CHIC1: variants seen among roughly 807,000 people sequenced by gnomAD.
CHIC1 encodes the protein cysteine-rich hydrophobic domain-containing protein 1.
In CHIC1, 7 loss-of-function variants were observed where a neutral mutation model predicts 18.5. The observed-to-expected ratio is 0.38, with a 90% CI of 0.22 to 0.71. The LOEUF (loss-of-function observed/expected upper bound fraction) is 0.71, where lower values mean the gene tolerates loss of function less well. Among genes scored for constraint, CHIC1 ranks in the 30% least tolerant of loss-of-function variants. The probability of loss-of-function intolerance (pLI) is 0.49; values close to 1 mark genes in which losing one functional copy is unlikely to be tolerated. For missense variants in CHIC1, 159 were observed against 176.9 expected (o/e 0.90, Z 0.57); for synonymous variants, 77 against 73.5 (o/e 1.05, Z -0.25).
chrX:73,614,542 GCTTTGTTCATTTTTTTCTTACT>G (rs1267052835), intron 3 of CHIC1, among the ~76,000 whole-genome samples: 12 of 110,580 alleles, frequency 1.1e-4, no homozygotes, highest in African/African-American at 3.9e-4. Context: ...TGTCATGTGG[GCTTTGTTCATTTTTTTCTTACT>G]CTTTTTTTCT....
At chrX:73,655,668 TATAC>T (rs2057945613) in intron 3 of CHIC1, among the ~76,000 whole-genome samples, 2 of 87,809 alleles carry the variant, frequency 2.3e-5, no homozygotes, top group Admixed American at 1.3e-4. Context: ...TATATATATA[TATAC>T]ACACACCACA....
intron 3 of CHIC1, among the ~76,000 whole-genome samples, chrX:73,675,430 A>G (rs1056899941): frequency 1.8e-5 from 2 of 112,027 alleles, no homozygotes; most frequent in Middle Eastern, 4.6e-3. Context: ...TTGGATGCAT[A>G]TATATTTAGG....
chrX:73,619,961 G>C (rs1045277615), intron 3 of CHIC1, among the ~76,000 whole-genome samples: 1 of 111,207 alleles, frequency 9.0e-6, no homozygotes, highest in South Asian at 3.8e-4. Context: ...TGCGGTGTTT[G>C]GCTTTCTGTT....
chrX:73,673,355 C>T lies in CHIC1; in HGVS notation c.508-5971C>T, dbSNP rs901111508. Among the ~76,000 whole-genome samples the T allele has an allele frequency of 7.2e-5, 8 of 111,855 alleles. No homozygotes were observed. The East Asian group carries it at 1.1e-3, about 16-fold the overall frequency. ...ACCTTGGGCAGTATGGCCATTTTCACGATACTGATTCTTCCTACCCATGAG... is the reference window on the plus strand; with the variant it reads ...ACCTTGGGCAGTATGGCCATTTTCATGATACTGATTCTTCCTACCCATGAG... On this transcript the variant is annotated intron_variant, in intron 3 of 5. Transcript: ENST00000373502.
At chrX:73,568,845 A>G (rs1202620300) in intron 1 of CHIC1, among the ~76,000 whole-genome samples, 1 of 111,624 alleles carries the variant, frequency 9.0e-6, no homozygotes, top group African/African-American at 3.2e-5. Context: ...TTCTCCAAAA[A>G]CTTAGCACTA....
At chrX:73,578,188 T>C (rs1054455812) in intron 2 of CHIC1, among the ~76,000 whole-genome samples, 3 of 110,569 alleles carry the variant, frequency 2.7e-5, no homozygotes, top group African/African-American at 3.3e-5. Context: ...TATATGTACA[T>C]CAAAACATCA....
chrX:73,680,579 G>A (rs1321743552), intron 5 of CHIC1, among the ~76,000 whole-genome samples: 4 of 110,753 alleles, frequency 3.6e-5, no homozygotes, highest in African/African-American at 6.5e-5. Context: ...TAATATAAAG[G>A]CATTTTTTAA....
intron 3 of CHIC1, among the ~76,000 whole-genome samples, chrX:73,608,529 AGAGCAGACT>A (rs1272199936): frequency 9.2e-6 from 1 of 108,521 alleles, no homozygotes; most frequent in Non-Finnish European, 1.9e-5. Context: ...CCAATCCATA[AGAGCAGACT>A]GTCTTAAATA....
chrX:73,591,270 CT>C (rs1207790931), intron 3 of CHIC1, among the ~76,000 whole-genome samples: 2 of 110,483 alleles, frequency 1.8e-5, no homozygotes, highest in Admixed American at 9.7e-5. Flanking sequence ...TATGACCCCC[CT>C]TTTTTTAATG....
chrX:73,611,508 G>A (rs1419850848), intron 3 of CHIC1, among the ~76,000 whole-genome samples: 4 of 108,810 alleles, frequency 3.7e-5, no homozygotes, highest in Admixed American at 2.9e-4. Flanking sequence ...ATAGCAGCAT[G>A]TTATATAATC....
At position 73,563,439 on chromosome X, in the gene CHIC1, A is replaced by C. The variant is rs1013572963; in HGVS notation, c.155A>C (p.Glu52Ala). ...GACGAGGAGGATGAGGAGGAAGAGG[A>C]GGAAGAGGAGGAGGAGGAAGAAGAG... The part of the protein sequence containing the change: ...DDDEEDEEEE[E>A]EEEEEEEEEE... The change falls in exon 1 of 6, where the codon GAG (glutamate) becomes GCG (alanine). Residue 52 changes from glutamate (E) to alanine (A), a missense_variant. Coordinates refer to ENST00000373502, the MANE Select transcript of CHIC1 (RefSeq NM_001039840.4). The C allele has an allele frequency of 3.5e-5, 41 of 1,157,375 alleles. No homozygotes were observed. Among genetic ancestry groups the C allele is most frequent in the Non-Finnish European group, 4.7e-5 (41 of 868,509 alleles).
chrX:73,604,438 A>T (rs751354781), intron 3 of CHIC1, among the ~76,000 whole-genome samples: 1 of 104,955 alleles, frequency 9.5e-6, no homozygotes, highest in Admixed American at 1.0e-4. Context: ...CTATTTTGTT[A>T]ATCTTTTCAA....
At chrX:73,639,784 T>C (rs886928137) in intron 3 of CHIC1, among the ~76,000 whole-genome samples, 2 of 111,835 alleles carry the variant, frequency 1.8e-5, no homozygotes, top group Non-Finnish European at 3.8e-5. Flanking sequence ...TTATTCTTTT[T>C]ATGGTAATTG....
At chrX:73,665,633 C>G (rs1235782775) in intron 3 of CHIC1, among the ~76,000 whole-genome samples, 1 of 111,596 alleles carries the variant, frequency 9.0e-6, no homozygotes, top group East Asian at 2.8e-4. Context: ...CAGTGACTTA[C>G]TGACTGTGCA....
At chrX:73,641,280 C>T (rs1459503368) in intron 3 of CHIC1, among the ~76,000 whole-genome samples, 1 of 110,191 alleles carries the variant, frequency 9.1e-6, no homozygotes, top group East Asian at 2.8e-4. Context: ...ATAATATGTG[C>T]CATGTGTCAA....
intron 3 of CHIC1, among the ~76,000 whole-genome samples, chrX:73,675,763 A>T (rs1313790651): frequency 9.0e-6 from 1 of 110,797 alleles, no homozygotes; most frequent in Non-Finnish European, 1.9e-5. Flanking sequence ...TGTGAATTTG[A>T]TCCTGTCGTT....
chrX:73,656,979 G>A (rs767411214), intron 3 of CHIC1, among the ~76,000 whole-genome samples: 2 of 110,583 alleles, frequency 1.8e-5, no homozygotes, highest in Admixed American at 1.9e-4. Context: ...ATTTCTTTGA[G>A]CAGTGTTTTG....
intron 3 of CHIC1, among the ~76,000 whole-genome samples, chrX:73,600,142 T>A (rs372751810): frequency 8.3e-4 from 82 of 98,353 alleles, no homozygotes; most frequent in Non-Finnish European, 1.3e-3. Context: ...TTTGTCTGTT[T>A]TTGGTGTATA....
At chrX:73,596,610 C>G (rs1313445161) in intron 3 of CHIC1, among the ~76,000 whole-genome samples, 1 of 111,362 alleles carries the variant, frequency 9.0e-6, no homozygotes, top group Non-Finnish European at 1.9e-5. Context: ...AGGCATCACA[C>G]TATCTGACTT....
Sources: allele counts gnomAD v4.1 joint callset (sites outside exome capture counted in the v4.1 genomes callset), GRCh38; gene constraint gnomAD v4.1.1; transcripts MANE v1.5; gene names NCBI Gene and HGNC (gene_info 2026-07-23, HGNC 2026-07-21).